SFMBT2: variants seen among roughly 807,000 people sequenced by gnomAD.
The protein encoded by SFMBT2 is Scm like with four mbt domains 2.
SFMBT2 carries 38 observed loss-of-function variants against 110.1 expected under a neutral mutation model. The observed-to-expected ratio is 0.35, with a 90% CI of 0.27 to 0.45. The LOEUF (loss-of-function observed/expected upper bound fraction) is 0.45, where lower values mean the gene tolerates loss of function less well. Ranked by LOEUF, SFMBT2 falls within the 20% of genes least tolerant of loss-of-function variation. The pLI, the probability that SFMBT2 is intolerant of heterozygous loss-of-function variation, is 1.00. For synonymous variants in SFMBT2, 425 were observed against 425.4 expected (o/e 1.00, Z 0.01); for missense variants, 1,011 against 1,094.9 (o/e 0.92, Z 1.08).
rs149656136 is a variant in SFMBT2 at position 7,252,590 on chromosome 10, T to C, written c.871-3941A>G. Among the ~76,000 whole-genome samples the C allele has an allele frequency of 6.4e-3, 980 of 152,282 alleles. 8 individuals are homozygous for C. Among genetic ancestry groups the C allele is most frequent in the African/African-American group, 0.022 (910 of 41,544 alleles). On this transcript the variant is annotated intron_variant, in intron 7 of 20. Transcript: ENST00000397167. ...AAACATCAAAACCAAGCATGGTGGATGCGGGATGAAAATAAAAATAGCATG... is the reference window on the plus strand; with the variant it reads ...AAACATCAAAACCAAGCATGGTGGACGCGGGATGAAAATAAAAATAGCATG...
intron 9 of SFMBT2, among the ~76,000 whole-genome samples, chr10:7,242,155 G>A (rs1345488791): frequency 6.6e-6 from 1 of 152,124 alleles, no homozygotes; most frequent in Non-Finnish European, 1.5e-5. Context: ...CTACCAATAG[G>A]TCGTTGATAA....
In SFMBT2 at chr10:7,355,110, ATTCTT is replaced by A. The variant is rs1844462842; in HGVS notation, c.436+12534_436+12538del. Among the ~76,000 whole-genome samples the A allele has an allele frequency of 5.3e-5, 8 of 152,356 alleles. No individual in the cohort carries two copies. The South Asian group carries it at 1.7e-3, about 32-fold the overall frequency. On this transcript the variant is annotated intron_variant, in intron 4 of 20. Transcript: ENST00000397167. ...ACTATACCCAGTCTACTTCATCTTA[ATTCTT>A]TTCATCAAAATACGTAAACTGAAGA...
chr10:7,274,763 G>A (rs7091325), intron 7 of SFMBT2, among the ~76,000 whole-genome samples: 4,885 of 152,148 alleles, frequency 0.032, 107 homozygotes, highest in Non-Finnish European at 0.052. Flanking sequence ...GCTGAGACAG[G>A]AGGATGGCTT....
chr10:7,205,393 G>C, intron 12 of SFMBT2: 2 of 984,706 alleles, frequency 2.0e-6, no homozygotes, highest in Non-Finnish European at 2.4e-6. Context: ...GCCTAGCCTG[G>C]TTAAGTGTTT....
chr10:7,335,940 G>A (rs1843707815), intron 4 of SFMBT2, among the ~76,000 whole-genome samples: 1 of 151,852 alleles, frequency 6.6e-6, no homozygotes, highest in African/African-American at 2.4e-5. Context: ...CCTTCCAATA[G>A]ACTCAGCCAC....
intron 7 of SFMBT2, among the ~76,000 whole-genome samples, chr10:7,268,667 CG>C (rs983793089): frequency 2.2e-4 from 33 of 152,208 alleles, no homozygotes; most frequent in African/African-American, 7.2e-4. Flanking sequence ...CCCACCACCA[CG>C]CCCAGCTAAT....
rs140497859 is a variant in SFMBT2 at position 7,313,838 on chromosome 10, G to A, written c.437-27884C>T. On this transcript the variant is annotated intron_variant, in intron 4 of 20. Transcript: ENST00000397167. ...TGTCTCAGAACTGTGTGTTTGGCAA[G>A]ACACCACTTTTCTCATCTAAATTTC... is the stretch of plus-strand genomic sequence containing the variant. Among the ~76,000 whole-genome samples the A allele has an allele frequency of 6.7e-3, 1,022 of 152,212 alleles. 6 individuals carry two copies. Among genetic ancestry groups the A allele is most frequent in the African/African-American group, 0.022 (931 of 41,514 alleles).
At chr10:7,285,614 T>C (rs962778983) in intron 5 of SFMBT2, 5 of 442,444 alleles carry the variant, frequency 1.1e-5, no homozygotes, top group Non-Finnish European at 1.7e-5. Context: ...TAGCATATTG[T>C]GATTTAAAAA....
intron 11 of SFMBT2, chr10:7,207,651 C>G (rs1839197676): frequency 2.0e-6 from 2 of 980,784 alleles, no homozygotes; most frequent in Non-Finnish European, 1.2e-6. Flanking sequence ...CCCTCCCCAC[C>G]AAAACCATAA....
intron 11 of SFMBT2, chr10:7,206,569 A>G: frequency 1.0e-6 from 1 of 985,426 alleles, no homozygotes; most frequent in Non-Finnish European, 1.2e-6. Context: ...GCTATGTCAT[A>G]GAAAAGTCAC....
intron 4 of SFMBT2, chr10:7,286,276 G>A: frequency 3.8e-6 from 1 of 265,374 alleles, no homozygotes; most frequent in Non-Finnish European, 5.8e-6. Context: ...TCCAAGGAGA[G>A]AGAAACCAGT....
At chr10:7,176,431 A>G (rs2131542825) in intron 16 of SFMBT2, 1 of 968,738 alleles carries the variant, frequency 1.0e-6, no homozygotes, top group Middle Eastern at 5.3e-4. Context: ...TTTGCTATAT[A>G]CAACTTCATA....
chr10:7,231,307 A>C (rs1394799622), intron 9 of SFMBT2, among the ~76,000 whole-genome samples: 1 of 152,156 alleles, frequency 6.6e-6, no homozygotes, highest in East Asian at 1.9e-4. Context: ...TCCTGAGTTA[A>C]TTTCAAGAGT....
chr10:7,168,251 T>G (rs1837756073), intron 20 of SFMBT2, among the ~76,000 whole-genome samples: 1 of 152,210 alleles, frequency 6.6e-6, no homozygotes, highest in Non-Finnish European at 1.5e-5. Flanking sequence ...TGTTTCACTT[T>G]CTTGCTTATT....
At chr10:7,282,179 A>T (rs1841963661) in intron 6 of SFMBT2, among the ~76,000 whole-genome samples, 2 of 152,246 alleles carry the variant, frequency 1.3e-5, no homozygotes, top group African/African-American at 4.8e-5. Context: ...TGCTAAGACA[A>T]GTAAACACAA....
At chr10:7,387,508 C>T (rs184295220) in intron 1 of SFMBT2, among the ~76,000 whole-genome samples, 1 of 152,008 alleles carries the variant, frequency 6.6e-6, no homozygotes, top group Admixed American at 6.5e-5. Context: ...TGGAATCCCA[C>T]GAAGGACAAG....
At chr10:7,409,475 G>T (rs1269261622) in intron 1 of SFMBT2, 1 of 152,166 alleles carries the variant, frequency 6.6e-6, no homozygotes, top group Non-Finnish European at 1.5e-5. Flanking sequence ...CACATTCGGG[G>T]TGGTTCTCTT....
At position 7,269,259 on chromosome 10, in the gene SFMBT2, C is replaced by A. The variant is rs539717839; in HGVS notation, c.870+7633G>T. ...GATCTCTTAAATCAAAGATAAATAA[C>A]AGTAGAAATAATAATCATGAGCTTG... On this transcript the variant is annotated intron_variant, in intron 7 of 20. Coordinates refer to ENST00000397167, the MANE Select transcript of SFMBT2 (RefSeq NM_001387889.1). Among the ~76,000 whole-genome samples the A allele has an allele frequency of 6.6e-5, 10 of 152,136 alleles. No homozygotes were observed. The East Asian group carries it at 1.9e-3, about 29-fold the overall frequency.
intron 3 of SFMBT2, among the ~76,000 whole-genome samples, chr10:7,368,726 C>A (rs1844982741): frequency 6.6e-6 from 1 of 152,260 alleles, no homozygotes; most frequent in South Asian, 2.1e-4. Flanking sequence ...ATCAATGTCT[C>A]TTTCCTAAAC....
Sources: gnomAD v4.1 joint callset for allele counts (sites outside exome capture counted in the v4.1 genomes callset) on GRCh38, gnomAD v4.1.1 for gene constraint, MANE v1.5 for transcripts, NCBI Gene and HGNC (gene_info 2026-07-23, HGNC 2026-07-21) for gene names.